Variants in GALNTL6 observed in about 807,000 individuals in gnomAD.
GALNTL6 encodes polypeptide N-acetylgalactosaminyltransferase like 6, also known as polypeptide N-acetylgalactosaminyltransferase-like 6.
A neutral mutation model predicts 73.7 loss-of-function variants in GALNTL6; 46 were observed. The ratio of observed to expected loss-of-function variants is 0.62; its 90% CI spans 0.49 to 0.80. The LOEUF is 0.80. Among genes scored for constraint, GALNTL6 ranks in the 30% least tolerant of loss-of-function variants. GALNTL6 has a pLI of 0.00. For missense variants in GALNTL6, 604 were observed against 755.0 expected, an observed-to-expected ratio of 0.80 and a Z score of 2.34; for synonymous variants, 259 against 263.7, an observed-to-expected ratio of 0.98 and a Z score of 0.17.
chr4:172,452,345 G>A, intron 5 of GALNTL6, among the ~76,000 whole-genome samples: 1 of 150,924 alleles, frequency 6.6e-6, no homozygotes. Flanking sequence ...TGGTGAAGGT[G>A]CAAAACAAAA....
intron 10 of GALNTL6, among the ~76,000 whole-genome samples, chr4:172,959,574 G>A (rs898110285): frequency 1.3e-5 from 2 of 152,020 alleles, no homozygotes; most frequent in Non-Finnish European, 2.9e-5. Flanking sequence ...AGAGTTACCT[G>A]AAGATCGGCA....
intron 9 of GALNTL6, among the ~76,000 whole-genome samples, chr4:172,931,603 C>T (rs6837446): frequency 0.018 from 2,706 of 152,118 alleles, 74 homozygotes; most frequent in African/African-American, 0.062. Context: ...AGAGTAGGTC[C>T]GCGGACCTGG....
chr4:172,597,750 T>C (rs946687562), intron 5 of GALNTL6, among the ~76,000 whole-genome samples: 2 of 152,278 alleles, frequency 1.3e-5, no homozygotes, highest in Middle Eastern at 3.4e-3. Context: ...ACTCCCAGCA[T>C]ATATTCAGAA....
intron 5 of GALNTL6, among the ~76,000 whole-genome samples, chr4:172,613,547 T>C (rs1738610341): frequency 6.6e-6 from 1 of 151,964 alleles, no homozygotes; most frequent in South Asian, 2.1e-4. Context: ...AAGGGAAGCA[T>C]AAGACATGAT....
intron 5 of GALNTL6, among the ~76,000 whole-genome samples, chr4:172,562,217 G>A (rs1019708507): frequency 6.6e-6 from 1 of 152,212 alleles, no homozygotes; most frequent in Middle Eastern, 3.4e-3. Context: ...TTAGAAAGTG[G>A]TTGCTTCTGC....
chr4:172,881,181 G>A, intron 7 of GALNTL6, among the ~76,000 whole-genome samples: 1 of 152,110 alleles, frequency 6.6e-6, no homozygotes, highest in East Asian at 1.9e-4. Flanking sequence ...GTGTTCTTTG[G>A]GGAACTGCAC....
At chr4:172,104,457 G>C (rs1025827487) in intron 2 of GALNTL6, among the ~76,000 whole-genome samples, 2 of 152,098 alleles carry the variant, frequency 1.3e-5, no homozygotes, top group African/African-American at 4.8e-5. Context: ...AGGGAAACAA[G>C]GTTGTAGTAA....
chr4:172,671,232 G>T (rs575370326), intron 5 of GALNTL6, among the ~76,000 whole-genome samples: 2 of 152,218 alleles, frequency 1.3e-5, no homozygotes, highest in East Asian at 1.9e-4. Flanking sequence ...TCTATAAATT[G>T]CTTTGGGCAG....
At chr4:172,614,904 G>A (rs1442842745) in intron 5 of GALNTL6, among the ~76,000 whole-genome samples, 2 of 152,092 alleles carry the variant, frequency 1.3e-5, no homozygotes, top group African/African-American at 4.8e-5. Flanking sequence ...AACAAAAAAG[G>A]TGAGGTCAAC....
chr4:172,541,235 A>C (rs1311895287), intron 5 of GALNTL6, among the ~76,000 whole-genome samples: 1 of 152,140 alleles, frequency 6.6e-6, no homozygotes, highest in African/African-American at 2.4e-5. Flanking sequence ...GCATAGCCTT[A>C]GGTCTTGTTT....
chr4:172,642,181 A>AT (rs545834169), intron 5 of GALNTL6, among the ~76,000 whole-genome samples: 51 of 152,108 alleles, frequency 3.4e-4, no homozygotes, highest in African/African-American at 1.1e-3. Flanking sequence ...TCCTCAAAAA[A>AT]TTTTTAAAAA....
chr4:173,033,054 G>A (rs1456478836), intron 12 of GALNTL6, among the ~76,000 whole-genome samples: 1 of 152,098 alleles, frequency 6.6e-6, no homozygotes, highest in African/African-American at 2.4e-5. Flanking sequence ...AGGCTAGAGT[G>A]CAGTGGCGTG....
intron 10 of GALNTL6, 130 bp downstream of exon 10, chr4:172,952,388 A>G (rs1749497062): frequency 1.6e-6 from 1 of 630,476 alleles, no homozygotes; most frequent in Non-Finnish European, 2.8e-6. Context: ...CATTTAAATC[A>G]TCTCAAATAC....
intron 5 of GALNTL6, among the ~76,000 whole-genome samples, chr4:172,622,682 G>A (rs956443322): frequency 2.6e-5 from 4 of 152,090 alleles, no homozygotes; most frequent in Admixed American, 2.0e-4. Context: ...ATAGGAATAG[G>A]AGAACTCACT....
At chr4:171,880,219 T>G (rs922746547) in intron 2 of GALNTL6, among the ~76,000 whole-genome samples, 1 of 152,198 alleles carries the variant, frequency 6.6e-6, no homozygotes, top group Non-Finnish European at 1.5e-5. Flanking sequence ...TTCAGCCTGA[T>G]TTGTAGCCTT....
chr4:172,103,148 C>T (rs1732568758), intron 2 of GALNTL6, among the ~76,000 whole-genome samples: 5 of 152,210 alleles, frequency 3.3e-5, no homozygotes. Flanking sequence ...ACCGGCTAAT[C>T]ACCCAGTGTG....
intron 3 of GALNTL6, among the ~76,000 whole-genome samples, chr4:172,308,003 C>CATTTTTT (rs1740206123): frequency 2.9e-5 from 1 of 34,588 alleles, no homozygotes; most frequent in Non-Finnish European, 5.0e-5. Context: ...TGTGTTTTAA[C>CATTTTTT]TTTTTTTTTT....
intron 5 of GALNTL6, among the ~76,000 whole-genome samples, chr4:172,557,893 G>C (rs1022624773): frequency 7.2e-5 from 11 of 151,770 alleles, no homozygotes; most frequent in Non-Finnish European, 1.3e-4. Flanking sequence ...TTAATTTCTA[G>C]ATATATATCA....
intron 3 of GALNTL6, among the ~76,000 whole-genome samples, chr4:172,297,473 G>T (rs967547476): frequency 6.6e-6 from 1 of 152,096 alleles, no homozygotes; most frequent in Non-Finnish European, 1.5e-5. Context: ...TTCTTCTAGG[G>T]TTTTTATGGT....
Sources: gnomAD v4.1 joint callset for allele counts (sites outside exome capture counted in the v4.1 genomes callset) on GRCh38, gnomAD v4.1.1 for gene constraint, MANE v1.5 for transcripts, NCBI Gene and HGNC (gene_info 2026-07-23, HGNC 2026-07-21) for gene names.